Variants in COL4A6 observed in about 807,000 individuals in gnomAD.
The protein encoded by COL4A6 is collagen alpha-6(IV) chain.
A neutral mutation model predicts 126.7 loss-of-function variants in COL4A6; 59 were observed. The ratio of observed to expected loss-of-function variants is 0.47; its 90% CI spans 0.38 to 0.58. COL4A6 has a LOEUF of 0.58. Among genes scored for constraint, COL4A6 ranks in the 20% least tolerant of loss-of-function variants. COL4A6 has a pLI of 0.00. For synonymous variants in COL4A6, 547 were observed against 496.6 expected, an observed-to-expected ratio of 1.10 and a Z score of -1.35; for missense variants, 1,285 against 1,337.3, an observed-to-expected ratio of 0.96 and a Z score of 0.61.
chrX:108,277,860 C>T lies in COL4A6; in HGVS notation c.144+32888G>A, dbSNP rs1267480430. Among the ~76,000 whole-genome samples, 5 of 112,178 alleles carry T rather than the reference C, an allele frequency of 4.5e-5. No individual in the cohort carries two copies. In the Admixed American group the frequency reaches 4.7e-4, roughly 11 times the overall value. On this transcript the variant is annotated intron_variant, in intron 3 of 44. Transcript: ENST00000334504. Reference sequence around the variant, plus strand: ...AAAATCCGCTGTTCTGCAGCCACCGCTGCTGGTACCCAGGCAAGCAGTGTC... The same window carrying T: ...AAAATCCGCTGTTCTGCAGCCACCGTTGCTGGTACCCAGGCAAGCAGTGTC...
chrX:108,394,323 C>T (rs966009714), intron 2 of COL4A6, among the ~76,000 whole-genome samples: 3 of 109,517 alleles, frequency 2.7e-5, no homozygotes, highest in Admixed American at 9.8e-5. Flanking sequence ...ATACCTAATG[C>T]AGATGAGGGG....
chrX:108,293,503 T>C (rs1415380142), intron 3 of COL4A6, among the ~76,000 whole-genome samples: 1 of 111,568 alleles, frequency 9.0e-6, no homozygotes, highest in Non-Finnish European at 1.9e-5. Context: ...AAACCTTAAA[T>C]GATAACCTGG....
chrX:108,315,125 A>AT (rs1197375766), intron 2 of COL4A6, among the ~76,000 whole-genome samples: 1 of 112,248 alleles, frequency 8.9e-6, no homozygotes, highest in East Asian at 2.8e-4. Flanking sequence ...ATTGAAATGA[A>AT]TTTTTCATGG....
At chrX:108,249,745 T>C (rs2036805178) in intron 3 of COL4A6, among the ~76,000 whole-genome samples, 1 of 110,696 alleles carries the variant, frequency 9.0e-6, no homozygotes, top group Non-Finnish European at 1.9e-5. Flanking sequence ...AGCATCAGGA[T>C]TTTTTTTAAC....
At chrX:108,281,745 A>G (rs983213198) in intron 3 of COL4A6, among the ~76,000 whole-genome samples, 1 of 110,558 alleles carries the variant, frequency 9.0e-6, no homozygotes. Context: ...ACTTCAAACT[A>G]TACTACAAGG....
intron 3 of COL4A6, among the ~76,000 whole-genome samples, chrX:108,227,385 C>T (rs1345449539): frequency 8.9e-6 from 1 of 111,795 alleles, no homozygotes; most frequent in Admixed American, 9.5e-5. Flanking sequence ...ATATGAGTGA[C>T]TAATGGCCCA....
intron 38 of COL4A6, 28 bp from the exon 39 acceptor site, chrX:108,165,066 G>T: frequency 8.4e-7 from 1 of 1,185,244 alleles, no homozygotes. Context: ...AGAGGGGCGA[G>T]GGGCAGGTGA....
At chrX:108,425,404 A>G (rs1198881675) in intron 2 of COL4A6, among the ~76,000 whole-genome samples, 3 of 110,918 alleles carry the variant, frequency 2.7e-5, no homozygotes, top group Non-Finnish European at 5.7e-5. Flanking sequence ...TCAACATTCT[A>G]TAAAATAAAC....
intron 3 of COL4A6, among the ~76,000 whole-genome samples, chrX:108,255,402 G>A (rs1295675330): frequency 9.1e-6 from 1 of 110,130 alleles, no homozygotes; most frequent in Non-Finnish European, 1.9e-5. Flanking sequence ...GGGAAGGTCA[G>A]GATGACCTTG....
intron 2 of COL4A6, among the ~76,000 whole-genome samples, chrX:108,337,160 A>T (rs1038466107): frequency 1.8e-5 from 2 of 111,643 alleles, no homozygotes; most frequent in Non-Finnish European, 3.8e-5. Context: ...TTAACACCTC[A>T]GTGTCTCACC....
intron 3 of COL4A6, among the ~76,000 whole-genome samples, chrX:108,262,790 A>T (rs772884068): frequency 8.9e-6 from 1 of 111,778 alleles, no homozygotes; most frequent in Non-Finnish European, 1.9e-5. Context: ...CTACTAATTC[A>T]TAGTTGATGG....
rs1398449934 is a variant in COL4A6, at chrX:108,169,662, G to T, written c.3566-42C>A. On this transcript the variant is annotated intron_variant, in intron 36 of 44. Transcript: ENST00000334504. ...GGGTAGGGGGCAGACCTCAGTGGAG[G>T]TGAGGCCTTCCTGCCTAACTCACTC... 3.4e-6 allele frequency: 4 copies of T among 1,174,860 alleles called. No individual in the cohort carries two copies. In the South Asian group the frequency reaches 7.8e-5, roughly 23 times the overall value.
chrX:108,169,908 C>G (rs758429760), intron 36 of COL4A6, 37 bp downstream of exon 36: 52 of 1,121,331 alleles, frequency 4.6e-5, no homozygotes, highest in Non-Finnish European at 6.1e-5. Context: ...TCTGGAAGAG[C>G]TGATGCCCTC....
At chrX:108,252,999 C>T (rs1001472572) in intron 3 of COL4A6, among the ~76,000 whole-genome samples, 4 of 111,420 alleles carry the variant, frequency 3.6e-5, no homozygotes, top group Non-Finnish European at 7.6e-5. Context: ...TGTACCTCAA[C>T]GCAGTAAAGG....
chrX:108,339,065 A>G (rs964493796), intron 2 of COL4A6, among the ~76,000 whole-genome samples: 2 of 111,907 alleles, frequency 1.8e-5, no homozygotes, highest in African/African-American at 6.5e-5. Context: ...TGGGAATCAG[A>G]TCTTTTAATC....
chrX:108,334,933 A>G (rs1417491884), intron 2 of COL4A6, among the ~76,000 whole-genome samples: 1 of 111,793 alleles, frequency 8.9e-6, no homozygotes, highest in Non-Finnish European at 1.9e-5. Flanking sequence ...CTTTCAGCTC[A>G]AATACTATAT....
chrX:108,437,081 A>C (rs1263907204), intron 2 of COL4A6, among the ~76,000 whole-genome samples: 1 of 111,868 alleles, frequency 8.9e-6, no homozygotes, highest in African/African-American at 3.2e-5. Flanking sequence ...ACAATTGAAC[A>C]ACTTCGTATT....
At chrX:108,286,908 C>T (rs1264599937) in intron 3 of COL4A6, among the ~76,000 whole-genome samples, 2 of 111,705 alleles carry the variant, frequency 1.8e-5, no homozygotes, top group African/African-American at 3.3e-5. Flanking sequence ...GGGCATACTC[C>T]TTTCCCCTAG....
intron 2 of COL4A6, among the ~76,000 whole-genome samples, chrX:108,428,110 G>A (rs1160078019): frequency 1.8e-5 from 2 of 110,387 alleles, no homozygotes; most frequent in Admixed American, 1.9e-4. Context: ...CACATTGGAA[G>A]AAAAAGCATT....
Sources: gnomAD v4.1 joint callset for allele counts (sites outside exome capture counted in the v4.1 genomes callset) on GRCh38, gnomAD v4.1.1 for gene constraint, MANE v1.5 for transcripts, NCBI Gene and HGNC (gene_info 2026-07-23, HGNC 2026-07-21) for gene names.